The following FHIT variants were observed in gnomAD, a reference collection of about 807,000 sequenced individuals.
FHIT encodes fragile histidine triad diadenosine triphosphatase.
Under a neutral mutation model 17.9 loss-of-function variants are expected in FHIT, and 19 were observed. The ratio of observed to expected loss-of-function variants is 1.06; its 90% CI spans 0.74 to 1.56. FHIT has a LOEUF of 1.56. Ranked by LOEUF, FHIT falls within the 40% of genes most tolerant of loss-of-function variation. The pLI is 0.00. For missense variants in FHIT, 248 were observed against 189.2 expected (o/e 1.31, Z -1.82); for synonymous variants, 81 against 69.7 (o/e 1.16, Z -0.81).
At chr3:60,061,533 C>T (rs556564512) in intron 5 of FHIT, among the ~76,000 whole-genome samples, 7 of 152,214 alleles carry the variant, frequency 4.6e-5, no homozygotes, top group East Asian at 1.9e-4. Flanking sequence ...TTTTGCATTT[C>T]GATTCCCTGT....
In FHIT at chr3:60,045,784, G is replaced by T. The variant is rs186274887; in HGVS notation, c.104-31632C>A. 2.0e-5 allele frequency among the ~76,000 whole-genome samples: 3 copies of T among 152,192 alleles called. No individual in the cohort carries two copies. In the East Asian group the frequency reaches 5.8e-4, roughly 30 times the overall value. On this transcript the variant is annotated intron_variant, in intron 5 of 9. Transcript: ENST00000492590. ...GAGGATGAGAAACAGGGAGATCATG[G>T]GTGATTTCCAAGTCTCTGGATCAAC...
At chr3:60,124,003 TATATATAG>T (rs1705400248) in intron 5 of FHIT, among the ~76,000 whole-genome samples, 10 of 24,590 alleles carry the variant, frequency 4.1e-4, no homozygotes, top group Admixed American at 1.9e-3. Context: ...TATATATATA[TATATATAG>T]AGAGAGAGAG....
intron 8 of FHIT, among the ~76,000 whole-genome samples, chr3:59,899,893 C>T (rs901354890): frequency 2.6e-5 from 4 of 152,170 alleles, no homozygotes; most frequent in Non-Finnish European, 5.9e-5. Flanking sequence ...GCCTAGCACT[C>T]TGCCAGGCCA....
At chr3:60,894,893 T>G (rs1553761512) in intron 3 of FHIT, among the ~76,000 whole-genome samples, 2 of 152,138 alleles carry the variant, frequency 1.3e-5, no homozygotes, top group Non-Finnish European at 2.9e-5. Flanking sequence ...TGCTAAACCA[T>G]TTCGGTGTAG....
At chr3:60,815,515 T>C (rs1290004048) in intron 4 of FHIT, among the ~76,000 whole-genome samples, 3 of 152,172 alleles carry the variant, frequency 2.0e-5, no homozygotes, top group Non-Finnish European at 1.5e-5. Flanking sequence ...ATTGCTTTTG[T>C]TAACTTTGTT....
chr3:60,528,242 A>ATT (rs1353929393), intron 5 of FHIT, among the ~76,000 whole-genome samples: 2 of 152,166 alleles, frequency 1.3e-5, no homozygotes, highest in African/African-American at 2.4e-5. Context: ...AAACTCTGGG[A>ATT]TTACAGGTGT....
chr3:60,636,050 C>A (rs1218930721), intron 4 of FHIT, among the ~76,000 whole-genome samples: 2 of 151,286 alleles, frequency 1.3e-5, no homozygotes, highest in African/African-American at 4.9e-5. Flanking sequence ...TGTGCAGAAT[C>A]AATTAAGCTT....
At chr3:60,319,464 A>T (rs1394103681) in intron 5 of FHIT, among the ~76,000 whole-genome samples, 1 of 151,960 alleles carries the variant, frequency 6.6e-6, no homozygotes, top group Non-Finnish European at 1.5e-5. Context: ...AAAAAAAAAC[A>T]ACGAACAGAG....
At chr3:60,279,735 T>G (rs1221293882) in intron 5 of FHIT, among the ~76,000 whole-genome samples, 1 of 152,148 alleles carries the variant, frequency 6.6e-6, no homozygotes, top group African/African-American at 2.4e-5. Context: ...AGGATTTATT[T>G]CAGGTACACA....
chr3:61,141,971 A>G (rs915529312), intron 2 of FHIT, among the ~76,000 whole-genome samples: 1 of 151,412 alleles, frequency 6.6e-6, no homozygotes, highest in African/African-American at 2.4e-5. Flanking sequence ...TCTCATTCAC[A>G]CAAGCCTACA....
chr3:60,147,283 C>A (rs1046481921), intron 5 of FHIT, among the ~76,000 whole-genome samples: 1 of 152,126 alleles, frequency 6.6e-6, no homozygotes, highest in Non-Finnish European at 1.5e-5. Flanking sequence ...ACCATCTCAC[C>A]TACAAACCGA....
At chr3:60,590,443 T>C (rs1438679960) in intron 4 of FHIT, among the ~76,000 whole-genome samples, 1 of 152,086 alleles carries the variant, frequency 6.6e-6, no homozygotes, top group Non-Finnish European at 1.5e-5. Flanking sequence ...ATTCTTAGGA[T>C]GTTATTGATG....
intron 4 of FHIT, among the ~76,000 whole-genome samples, chr3:60,614,821 TTTTTTTTTTG>T (rs1559583564): frequency 2.6e-5 from 2 of 78,200 alleles, no homozygotes; most frequent in East Asian, 5.5e-4. Context: ...TTTTTTTTTG[TTTTTTTTTTG>T]TTTTTTTTTT....
intron 4 of FHIT, among the ~76,000 whole-genome samples, chr3:60,788,247 C>A (rs761390249): frequency 6.6e-6 from 1 of 152,012 alleles, no homozygotes; most frequent in Non-Finnish European, 1.5e-5. Flanking sequence ...ACTATGATTG[C>A]ACCACTGCAC....
In FHIT at chr3:60,612,713, A is replaced by G. The variant is rs555273364; in HGVS notation, c.-17-75734T>C. On this transcript the variant is annotated intron_variant, in intron 4 of 9. Coordinates refer to ENST00000492590, the MANE Select transcript of FHIT (RefSeq NM_002012.4). ...CTCTGGCTAGATAACTCTGTAAAAG[A>G]TCTATCTGTAAGAACAGAAAATGCT... Among the ~76,000 whole-genome samples, 70 of 152,338 alleles carry G rather than the reference A, an allele frequency of 4.6e-4. 1 individual carries two copies. Among genetic ancestry groups the G allele is most frequent in the African/African-American group, 1.4e-3 (59 of 41,592 alleles).
chr3:60,123,989 TATATATATATATATATATATAGAG>T (rs1481962316), intron 5 of FHIT, among the ~76,000 whole-genome samples: 10 of 50,144 alleles, frequency 2.0e-4, no homozygotes, highest in Admixed American at 2.3e-4. Context: ...TATATATATA[TATATATATATATATATATATAGAG>T]AGAGAGAGAG....
intron 5 of FHIT, among the ~76,000 whole-genome samples, chr3:60,039,688 A>G (rs1240685559): frequency 6.6e-6 from 1 of 152,244 alleles, no homozygotes; most frequent in Non-Finnish European, 1.5e-5. Context: ...ATAGTCCTAT[A>G]AAGTGTTCAC....
intron 5 of FHIT, among the ~76,000 whole-genome samples, chr3:60,330,914 C>T (rs899972879): frequency 1.3e-5 from 2 of 152,110 alleles, no homozygotes; most frequent in African/African-American, 4.8e-5. Flanking sequence ...GCAGAAGCTC[C>T]CAACCACAGT....
intron 5 of FHIT, among the ~76,000 whole-genome samples, chr3:60,031,922 C>T (rs537676315): frequency 2.0e-4 from 30 of 152,158 alleles, no homozygotes; most frequent in African/African-American, 7.0e-4. Flanking sequence ...AACAGCAGTA[C>T]CTATGAGTTG....
Sources: allele counts gnomAD v4.1 joint callset (sites outside exome capture counted in the v4.1 genomes callset), GRCh38; gene constraint gnomAD v4.1.1; transcripts MANE v1.5; gene names NCBI Gene and HGNC (gene_info 2026-07-23, HGNC 2026-07-21).